PCDHGA4: variants seen among roughly 807,000 people sequenced by gnomAD.
PCDHGA4 encodes the protein protocadherin gamma subfamily A, 4, also known as protocadherin gamma-A4.
Under a neutral mutation model 54.6 loss-of-function variants are expected in PCDHGA4, and 38 were observed. The ratio of observed to expected loss-of-function variants is 0.70; its 90% CI spans 0.54 to 0.91. The LOEUF (loss-of-function observed/expected upper bound fraction) is 0.91. PCDHGA4 is among the 40% of genes least tolerant of loss of function. PCDHGA4 has a pLI of 0.00. For missense variants in PCDHGA4, 1,298 were observed against 1,220.9 expected (o/e 1.06, Z -0.94); for synonymous variants, 511 against 512.9 (o/e 1.00, Z 0.05).
At chr5:141,364,205 A>C (rs1250961446) in intron 1 of PCDHGA4, 2 of 1,159,214 alleles carry the variant, frequency 1.7e-6, no homozygotes, top group African/African-American at 3.1e-5. Flanking sequence ...AGACCAGACA[A>C]GCTCCTACGA....
chr5:141,488,711 A>G (rs184498001), intron 1 of PCDHGA4, among the ~76,000 whole-genome samples: 100 of 152,290 alleles, frequency 6.6e-4, no homozygotes, highest in Non-Finnish European at 1.2e-3. Context: ...TGCTGGTTCA[A>G]GCAAAGTGGT....
At chr5:141,372,576 C>A in intron 1 of PCDHGA4, 2 of 1,614,066 alleles carry the variant, frequency 1.2e-6, no homozygotes. Context: ...GGGCTACTTT[C>A]AGCCTGGTGT....
chr5:141,422,883 C>A, intron 1 of PCDHGA4: 1 of 1,614,242 alleles, frequency 6.2e-7, no homozygotes, highest in Non-Finnish European at 8.5e-7. Flanking sequence ...TGAGCCTGTT[C>A]GTGCTGGACC....
intron 2 of PCDHGA4, among the ~76,000 whole-genome samples, chr5:141,496,334 G>T (rs959266723): frequency 2.6e-5 from 4 of 152,240 alleles, no homozygotes; most frequent in Admixed American, 6.5e-5. Context: ...GAAGTCAGGA[G>T]CCTGGAGGAG....
rs1246027327 is a variant in PCDHGA4, at chr5:141,491,976, C to A, written c.2515-2831C>A. On this transcript the variant is annotated intron_variant, in intron 1 of 3. Transcript: ENST00000571252. This position sits in a 1 kb window ranked among gnomAD's most constrained non-coding sequence, Gnocchi z 6.9. ...ACTCAAAAAAGGCCGGGGCCTCCTT[C>A]GAGCTTCCGGTGAATTTCGGGCGAT... 3 of 800,708 alleles carry A rather than the reference C, an allele frequency of 3.7e-6. No individual in the cohort carries two copies. The Admixed American group carries it at 1.1e-4, about 30-fold the overall frequency. 49.6% of individuals were successfully genotyped at this position (800,708 alleles called of 1,614,324 possible).
At chr5:141,394,122 C>G in intron 1 of PCDHGA4, 1 of 1,613,944 alleles carries the variant, frequency 6.2e-7, no homozygotes, top group Middle Eastern at 1.6e-4. Context: ...CACTGAAACT[C>G]AAATCGCTCT....
chr5:141,387,347 T>C (rs1213698437), intron 1 of PCDHGA4, among the ~76,000 whole-genome samples: 1 of 152,152 alleles, frequency 6.6e-6, no homozygotes. Flanking sequence ...TCTGAGACGG[T>C]TTAGGCCAAG....
At chr5:141,361,405 G>A (rs1762001636) in intron 1 of PCDHGA4, 1 of 1,613,928 alleles carries the variant, frequency 6.2e-7, no homozygotes, top group African/African-American at 1.3e-5. Context: ...CACCATCACA[G>A]CCACCGACGG....
At position 141,431,549 on chromosome 5, in the gene PCDHGA4, G is replaced by A. The variant is rs750427346; in HGVS notation, c.2515-63258G>A. ...GGCCTTGGGCACGCAGCTGCTTGTA[G>A]TCAACGCTACCGACCCTGACGAAGG... On this transcript the variant is annotated intron_variant, in intron 1 of 3. Coordinates refer to ENST00000571252, the MANE Select transcript of PCDHGA4 (RefSeq NM_018917.4). This position sits in a 1 kb window ranked among gnomAD's most constrained non-coding sequence, Gnocchi z 4.8. The A allele has an allele frequency of 6.2e-7, 1 of 1,614,156 alleles. No homozygotes were observed. Among genetic ancestry groups the A allele is most frequent in the South Asian group, 1.1e-5 (1 of 91,090 alleles).
chr5:141,360,055 G>A, intron 1 of PCDHGA4: 1 of 1,446,612 alleles, frequency 6.9e-7, no homozygotes, highest in Non-Finnish European at 9.1e-7. Context: ...ACAAAAGCAG[G>A]AAAAGTGACC....
rs77983663 is a variant in PCDHGA4, at chr5:141,504,853, C to T, written c.2574-540C>T. 2.8e-4 allele frequency among the ~76,000 whole-genome samples: 42 copies of T among 152,214 alleles called. No homozygotes were observed. In the East Asian group the frequency reaches 7.7e-3, roughly 28 times the overall value. On this transcript the variant is annotated intron_variant, in intron 2 of 3. Transcript: ENST00000571252. ...TTCTCTAGCTCTGGAACATTCTCTT[C>T]CATTTCCCACCTTCACAGTCCTCTG... is the stretch of plus-strand genomic sequence containing the variant.
chr5:141,488,633 A>G (rs2099677537), intron 1 of PCDHGA4, among the ~76,000 whole-genome samples: 1 of 152,174 alleles, frequency 6.6e-6, no homozygotes, highest in South Asian at 2.1e-4. Context: ...TCACCTTAGC[A>G]GCATTCAGCA....
intron 1 of PCDHGA4, among the ~76,000 whole-genome samples, chr5:141,452,476 C>T (rs968627914): frequency 6.6e-6 from 1 of 152,216 alleles, no homozygotes; most frequent in Admixed American, 6.5e-5. Context: ...AGGAAAAACA[C>T]ACATAAACAC....
chr5:141,433,358 CCTATCTAT>C lies in PCDHGA4; in HGVS notation c.2515-61408_2515-61401del, dbSNP rs3074541. On this transcript the variant is annotated intron_variant, in intron 1 of 3. Transcript: ENST00000571252. ...ACAGGTGCAAGCCACCTACTGTCTG[CCTATCTAT>C]CTATCTATCTATCTATCTATCTATC... is the stretch of plus-strand genomic sequence containing the variant. The C allele has an allele frequency of 7.0e-3, 3,504 of 501,060 alleles. 20 individuals carry two copies. The highest frequency in any genetic ancestry group is 7.9e-3 in the Non-Finnish European group (2,251 of 285,142). The allele number at this position is 501,060 out of a possible 1,614,324, so 31.0% of individuals were successfully genotyped here.
Position 141,431,677 on chromosome 5 carries a change from G to T in PCDHGA4, c.2515-63130G>T. The T allele has an allele frequency of 1.2e-6, 2 of 1,614,236 alleles. No homozygotes were observed. Among genetic ancestry groups the T allele is most frequent in the Non-Finnish European group, 1.7e-6 (2 of 1,180,050 alleles). ...CAGGGACAATATCAACAATAGGGGAGTTGGACCACGAGGAGTCAGGATTCT... is the reference window on the plus strand; with the variant it reads ...CAGGGACAATATCAACAATAGGGGATTTGGACCACGAGGAGTCAGGATTCT... On this transcript the variant is annotated intron_variant, in intron 1 of 3. Coordinates refer to ENST00000571252, the MANE Select transcript of PCDHGA4 (RefSeq NM_018917.4). The surrounding 1 kb of genome is among the most constrained non-coding windows in gnomAD (Gnocchi z 4.8).
chr5:141,428,338 T>G, intron 1 of PCDHGA4: 7 of 592,492 alleles, frequency 1.2e-5, no homozygotes, highest in East Asian at 3.1e-5. Flanking sequence ...TATGCTCTTC[T>G]TCCTCGCAGT....
chr5:141,371,752 AC>A (rs1278414887), intron 1 of PCDHGA4: 1 of 1,613,888 alleles, frequency 6.2e-7, no homozygotes, highest in Non-Finnish European at 8.5e-7. Flanking sequence ...CCCGTTTTCC[AC>A]CAGGCCTCCT....
At position 141,425,713 on chromosome 5, in the gene PCDHGA4, C is replaced by T. The variant is rs191037499; in HGVS notation, c.2514+68092C>T. 3.9e-4 allele frequency among the ~76,000 whole-genome samples: 60 copies of T among 152,312 alleles called. No homozygotes were observed. In the East Asian group the frequency reaches 6.7e-3, roughly 17 times the overall value. On this transcript the variant is annotated intron_variant, in intron 1 of 3. Transcript: ENST00000571252. ...CATTTCATAGTGGTCAAAATTTTCC[C>T]ATACCACTTGATGGGGATGTTTTCC...
chr5:141,486,361 C>T lies in PCDHGA4; in HGVS notation c.2515-8446C>T. 1.2e-6 allele frequency: 2 copies of T among 1,614,086 alleles called. No individual in the cohort carries two copies. The highest frequency in any genetic ancestry group is 1.7e-6 in the Non-Finnish European group (2 of 1,179,994). On this transcript the variant is annotated intron_variant, in intron 1 of 3. Coordinates refer to ENST00000571252, the MANE Select transcript of PCDHGA4 (RefSeq NM_018917.4). This position sits in a 1 kb window ranked among gnomAD's most constrained non-coding sequence, Gnocchi z 5.0. ...GCATTCCTGACCACTTGCCATTTGCCCTCAAGTCTGCCTTCAGGAACCAGT... is the reference window on the plus strand; with the variant it reads ...GCATTCCTGACCACTTGCCATTTGCTCTCAAGTCTGCCTTCAGGAACCAGT...
Sources: gnomAD v4.1 joint callset for allele counts (sites outside exome capture counted in the v4.1 genomes callset) on GRCh38, gnomAD v4.1.1 for gene constraint, Gnocchi (gnomAD v3.1) non-coding constraint, MANE v1.5 for transcripts, NCBI Gene and HGNC (gene_info 2026-07-23, HGNC 2026-07-21) for gene names.